Variants in LRRC36 observed in about 807,000 individuals in gnomAD.
LRRC36 encodes the protein leucine rich repeat containing 36.
A neutral mutation model predicts 81.1 loss-of-function variants in LRRC36; 62 were observed. The observed-to-expected ratio is 0.76, with a 90% CI of 0.62 to 0.94. The LOEUF (loss-of-function observed/expected upper bound fraction) is 0.94. Ranked by LOEUF, LRRC36 falls within the 40% of genes least tolerant of loss-of-function variation. The pLI is 0.00. For synonymous variants in LRRC36, 334 were observed against 348.6 expected, an observed-to-expected ratio of 0.96 and a Z score of 0.47; for missense variants, 761 against 881.7, an observed-to-expected ratio of 0.86 and a Z score of 1.73.
chr16:67,352,682 TTTATTTA>T (rs2038708605), intron 5 of LRRC36, among the ~76,000 whole-genome samples: 4 of 146,378 alleles, frequency 2.7e-5, no homozygotes, highest in Admixed American at 6.7e-5. Flanking sequence ...TATTTATTTA[TTTATTTA>T]TTTTTTGAGG....
Position 67,371,249 on chromosome 16 carries a change from G to A in LRRC36, c.1494+7G>A, listed in dbSNP as rs967038666. 11 of 1,614,060 alleles carry A rather than the reference G, an allele frequency of 6.8e-6. No homozygotes were observed. In the African/African-American group the frequency reaches 1.3e-4, roughly 20 times the overall value. On this transcript the variant is annotated splice_region_variant and intron_variant, in intron 9 of 13. Transcript: ENST00000329956. ...AGATGCTACAGGCAGCGAGGCAAGT[G>A]TTGGCTTGTTTGTGTTTGTGCGAGA...
At chr16:67,375,161 C>A in intron 9 of LRRC36, 86 bp from the exon 10 acceptor site, 2 of 1,443,406 alleles carry the variant, frequency 1.4e-6, no homozygotes, top group South Asian at 1.2e-5. Context: ...GTCTCAATGT[C>A]TAAATTCTTA....
chr16:67,359,770 G>C (rs1245499228), intron 5 of LRRC36, among the ~76,000 whole-genome samples: 5 of 152,092 alleles, frequency 3.3e-5, no homozygotes, highest in African/African-American at 1.2e-4. Flanking sequence ...AACAAGATTG[G>C]GGGAGGCACC....
At chr16:67,329,253 A>G (rs913179410) in intron 1 of LRRC36, among the ~76,000 whole-genome samples, 1 of 152,212 alleles carries the variant, frequency 6.6e-6, no homozygotes, top group South Asian at 2.1e-4. Flanking sequence ...AAAAAGTCAC[A>G]TATGCAACCT....
chr16:67,327,028 G>A, intron 1 of LRRC36, 96 bp downstream of exon 1: 1 of 1,217,592 alleles, frequency 8.2e-7, no homozygotes, highest in Non-Finnish European at 1.1e-6. Context: ...AGATAGAGGC[G>A]AGGGAACCAC....
chr16:67,338,854 T>C lies in LRRC36; in HGVS notation c.71-3103T>C, dbSNP rs907105495. 3.5e-4 allele frequency among the ~76,000 whole-genome samples: 51 copies of C among 144,400 alleles called. 1 individual carries two copies. The highest frequency in any genetic ancestry group is 7.3e-5 in the Admixed American group (1 of 13,782). 94.7% of individuals were successfully genotyped at this position (144,400 alleles called of 152,430 possible). Reference sequence around the variant, plus strand: ...AGCTTTTCAAATTTCTAATTTCTGCTTGGAAGCTGAATTTTTTTTTTTTTT... The same window carrying C: ...AGCTTTTCAAATTTCTAATTTCTGCCTGGAAGCTGAATTTTTTTTTTTTTT... On this transcript the variant is annotated intron_variant, in intron 1 of 13. Coordinates refer to ENST00000329956, the MANE Select transcript of LRRC36 (RefSeq NM_018296.6).
intron 7 of LRRC36, 31 bp from the exon 8 acceptor site, chr16:67,366,986 T>G: frequency 2.0e-6 from 3 of 1,530,222 alleles, no homozygotes; most frequent in Non-Finnish European, 1.8e-6. Context: ...ATTCTTATCA[T>G]GTTTTGTTTT....
At position 67,378,699 on chromosome 16, in the gene LRRC36, G is replaced by C; in HGVS notation, c.1917G>C (p.Gln639His). Residue 639 changes from glutamine to histidine, a missense_variant, in exon 12 of 14, where the codon CAG (glutamine) becomes CAC (histidine). Coordinates refer to ENST00000329956, the MANE Select transcript of LRRC36 (RefSeq NM_018296.6). The part of the protein sequence containing the change: ...GAAISIVSGQ[Q>H]SHTYDDLLHK... ...CCATCTCAATTGTGAGTGGGCAACA[G>C]TCACATACTTATGGTAAGTTGAGGA... 1 of 1,614,004 alleles carries C rather than the reference G, an allele frequency of 6.2e-7. No homozygotes were observed. Among genetic ancestry groups the C allele is most frequent in the Non-Finnish European group, 8.5e-7 (1 of 1,179,896 alleles).
chr16:67,348,167 GA>G (rs1270546656), intron 4 of LRRC36, among the ~76,000 whole-genome samples: 2 of 152,116 alleles, frequency 1.3e-5, no homozygotes, highest in Non-Finnish European at 2.9e-5. Flanking sequence ...TTTAAAAATA[GA>G]TAGCAGTCCA....
intron 5 of LRRC36, chr16:67,362,391 G>A: frequency 3.5e-6 from 1 of 283,738 alleles, no homozygotes; most frequent in Admixed American, 4.7e-5. Context: ...TCAAACTCCT[G>A]ACCTCATCAT....
At chr16:67,349,585 C>CT (rs1385730323) in intron 4 of LRRC36, among the ~76,000 whole-genome samples, 2 of 152,152 alleles carry the variant, frequency 1.3e-5, no homozygotes, top group African/African-American at 4.8e-5. Context: ...TCAAAAGAAA[C>CT]TGTCCTACCC....
At chr16:67,356,138 T>C (rs1162812215) in intron 5 of LRRC36, among the ~76,000 whole-genome samples, 1 of 152,214 alleles carries the variant, frequency 6.6e-6, no homozygotes, top group African/African-American at 2.4e-5. Context: ...TCTATTTGCC[T>C]TTAAATAGAG....
chr16:67,379,931 C>T (rs1362202079), intron 12 of LRRC36, among the ~76,000 whole-genome samples: 4 of 152,068 alleles, frequency 2.6e-5, no homozygotes, highest in African/African-American at 9.7e-5. Flanking sequence ...TCTACAGTAT[C>T]ACAAGAATAT....
At chr16:67,377,540 C>T (rs902138904) in intron 11 of LRRC36, among the ~76,000 whole-genome samples, 7 of 151,566 alleles carry the variant, frequency 4.6e-5, no homozygotes, top group African/African-American at 1.5e-4. Context: ...CCATGTTGGC[C>T]GAGGTGGTCT....
chr16:67,370,091 G>A (rs2039570686), intron 8 of LRRC36, among the ~76,000 whole-genome samples: 1 of 152,178 alleles, frequency 6.6e-6, no homozygotes, highest in Non-Finnish European at 1.5e-5. Context: ...TCCACCAGTG[G>A]AGAGGCTGGT....
intron 5 of LRRC36, among the ~76,000 whole-genome samples, chr16:67,352,440 T>TG (rs1274857516): frequency 6.6e-6 from 1 of 152,190 alleles, no homozygotes; most frequent in African/African-American, 2.4e-5. Flanking sequence ...TCATTGCGAA[T>TG]GGGCACTGAA....
intron 6 of LRRC36, chr16:67,365,027 C>T: frequency 3.1e-6 from 1 of 326,144 alleles, no homozygotes; most frequent in South Asian, 1.2e-4. Flanking sequence ...AAGTGGCCCT[C>T]ATCTACCTTC....
At chr16:67,346,059 G>A (rs781042521) in intron 2 of LRRC36, among the ~76,000 whole-genome samples, 197 bp from the exon 3 acceptor site, 9 of 152,188 alleles carry the variant, frequency 5.9e-5, no homozygotes, top group African/African-American at 9.7e-5. Flanking sequence ...ATTATTTAAC[G>A]TATGGAACAC....
At chr16:67,384,467 A>G (rs777904166) in intron 13 of LRRC36, among the ~76,000 whole-genome samples, 5 of 152,166 alleles carry the variant, frequency 3.3e-5, no homozygotes, top group Non-Finnish European at 5.9e-5. Flanking sequence ...TACAGAGTTC[A>G]ATGCAGCCAT....
Sources: allele counts gnomAD v4.1 joint callset (sites outside exome capture counted in the v4.1 genomes callset), GRCh38; gene constraint gnomAD v4.1.1; transcripts MANE v1.5; gene names NCBI Gene and HGNC (gene_info 2026-07-23, HGNC 2026-07-21).